VPS13B: variants seen among roughly 807,000 people sequenced by gnomAD.
VPS13B encodes the protein intermembrane lipid transfer protein VPS13B.
Under a neutral mutation model 426.4 loss-of-function variants are expected in VPS13B, and 285 were observed. The ratio of observed to expected loss-of-function variants is 0.67; its 90% CI spans 0.61 to 0.74. The LOEUF is 0.74. Ranked by LOEUF, VPS13B falls within the 30% of genes least tolerant of loss-of-function variation. The pLI, the probability that VPS13B is intolerant of heterozygous loss-of-function variation, is 0.00. For synonymous variants in VPS13B, 1,676 were observed against 1,676.4 expected (o/e 1.00, Z 0.01); for missense variants, 4,537 against 4,782.6 (o/e 0.95, Z 1.51).
intron 35 of VPS13B, among the ~76,000 whole-genome samples, chr8:99,673,387 T>G (rs1047203278): frequency 5.3e-5 from 8 of 152,064 alleles, no homozygotes; most frequent in African/African-American, 1.9e-4. Flanking sequence ...ATTTATCCAT[T>G]AGGTTATTCA....
intron 43 of VPS13B, among the ~76,000 whole-genome samples, chr8:99,789,383 T>A (rs1043756116): frequency 6.6e-6 from 1 of 152,162 alleles, no homozygotes; most frequent in Non-Finnish European, 1.5e-5. Flanking sequence ...AGCTGATAAA[T>A]TTTTCAAGTG....
intron 23 of VPS13B, among the ~76,000 whole-genome samples, chr8:99,447,791 G>T (rs1228240195): frequency 6.6e-6 from 1 of 151,788 alleles, no homozygotes; most frequent in Non-Finnish European, 1.5e-5. Context: ...TTAGGAGAGG[G>T]ATCATTCAAC....
chr8:99,865,373 C>T (rs1468474475), intron 58 of VPS13B, among the ~76,000 whole-genome samples: 1 of 152,242 alleles, frequency 6.6e-6, no homozygotes, highest in African/African-American at 2.4e-5. Flanking sequence ...CTGACCCCCA[C>T]TTCTTTTGGG....
At chr8:99,781,934 A>T (rs1352350804) in intron 42 of VPS13B, among the ~76,000 whole-genome samples, 1 of 152,180 alleles carries the variant, frequency 6.6e-6, no homozygotes, top group Non-Finnish European at 1.5e-5. Flanking sequence ...TGTTGATTAT[A>T]TAATGCTCAA....
At chr8:99,357,923 A>G (rs535005089) in intron 19 of VPS13B, among the ~76,000 whole-genome samples, 1 of 152,068 alleles carries the variant, frequency 6.6e-6, no homozygotes, top group Non-Finnish European at 1.5e-5. Flanking sequence ...TTATGTGACC[A>G]TGGGCAACTT....
At chr8:99,257,141 G>T (rs1253000982) in intron 17 of VPS13B, among the ~76,000 whole-genome samples, 1 of 152,118 alleles carries the variant, frequency 6.6e-6, no homozygotes, top group Non-Finnish European at 1.5e-5. Context: ...CTTAAGCTAG[G>T]ATGAAAATCT....
chr8:99,539,454 A>G (rs1823441159), intron 30 of VPS13B, among the ~76,000 whole-genome samples: 1 of 152,222 alleles, frequency 6.6e-6, no homozygotes. Flanking sequence ...ATTGATACAT[A>G]ATAAAAATTA....
intron 15 of VPS13B, among the ~76,000 whole-genome samples, chr8:99,165,303 G>A (rs969173052): frequency 1.3e-5 from 2 of 152,000 alleles, no homozygotes; most frequent in African/African-American, 4.8e-5. Context: ...TTGAAATTTT[G>A]TATGCTTTGC....
intron 2 of VPS13B, among the ~76,000 whole-genome samples, chr8:99,033,062 T>C (rs1372497091): frequency 2.0e-5 from 3 of 152,190 alleles, no homozygotes; most frequent in Non-Finnish European, 4.4e-5. Flanking sequence ...AATTTCCTTT[T>C]AAACCAGAAG....
intron 5 of VPS13B, among the ~76,000 whole-genome samples, chr8:99,109,388 C>T (rs6468666): frequency 0.82 from 122,042 of 148,534 alleles, 50,415 homozygotes; most frequent in South Asian, 0.89. Flanking sequence ...TTCTTTCTTT[C>T]TTTTTTTTTT....
At chr8:99,568,973 G>A (rs1371965205) in intron 31 of VPS13B, among the ~76,000 whole-genome samples, 2 of 151,700 alleles carry the variant, frequency 1.3e-5, no homozygotes, top group East Asian at 1.9e-4. Flanking sequence ...CACCACGCCC[G>A]GCTAATTTTT....
intron 34 of VPS13B, among the ~76,000 whole-genome samples, chr8:99,647,800 G>A (rs1223948847): frequency 6.6e-6 from 1 of 152,086 alleles, no homozygotes; most frequent in African/African-American, 2.4e-5. Flanking sequence ...CTTAAAAATT[G>A]TCACTCGATC....
rs909816589 is a variant in VPS13B, at chr8:99,606,510, A to AT, written c.5220+28877_5220+28878insT. ...CAAGACTCAGTTTCAAAAAAAAAAA[A>AT]AAAAGAAAAAAGAAAAAGAAAAAGA... is the stretch of plus-strand genomic sequence containing the variant. On this transcript the variant is annotated intron_variant, in intron 33 of 61. Coordinates refer to ENST00000357162, the MANE Select transcript of VPS13B (RefSeq NM_152564.5). Among the ~76,000 whole-genome samples the AT allele has an allele frequency of 5.3e-3, 800 of 151,180 alleles. 9 individuals carry two copies. The highest frequency in any genetic ancestry group is 0.019 in the African/African-American group (769 of 41,258).
chr8:99,643,912 C>G lies in VPS13B; in HGVS notation c.5908+1414C>G, dbSNP rs115244032. 3.3e-3 allele frequency among the ~76,000 whole-genome samples: 507 copies of G among 152,292 alleles called. 2 individuals carry two copies. Among genetic ancestry groups the G allele is most frequent in the African/African-American group, 0.011 (451 of 41,560 alleles). ...GTATAGTGGAACATGTTATGTGATT[C>G]AAGAACTCATGCCTATATACCTGAT... On this transcript the variant is annotated intron_variant, in intron 34 of 61. Coordinates refer to ENST00000357162, the MANE Select transcript of VPS13B (RefSeq NM_152564.5).
rs189837539 is a variant in VPS13B, at chr8:99,375,996, C to T, written c.2825-8212C>T. 3.0e-4 allele frequency among the ~76,000 whole-genome samples: 46 copies of T among 152,218 alleles called. 1 individual carries two copies. Among genetic ancestry groups the T allele is most frequent in the Admixed American group, 2.9e-3 (44 of 15,278 alleles). On this transcript the variant is annotated intron_variant, in intron 19 of 61. Transcript: ENST00000357162. ...GTTTAATTTTAATACTGTGCATCTTCGGTCTCTAACTCTTATTTCGGCTCT... is the reference window on the plus strand; with the variant it reads ...GTTTAATTTTAATACTGTGCATCTTTGGTCTCTAACTCTTATTTCGGCTCT...
At chr8:99,164,664 C>T (rs1269476076) in intron 15 of VPS13B, among the ~76,000 whole-genome samples, 1 of 152,192 alleles carries the variant, frequency 6.6e-6, no homozygotes, top group Non-Finnish European at 1.5e-5. Context: ...ATAGGATACA[C>T]TGTTTTTTCT....
At chr8:99,340,606 A>C in intron 19 of VPS13B, 1 of 442,206 alleles carries the variant, frequency 2.3e-6, no homozygotes, top group Non-Finnish European at 4.4e-6. Flanking sequence ...CATTTATTTA[A>C]TTAGTTCTTT....
intron 50 of VPS13B, among the ~76,000 whole-genome samples, chr8:99,823,622 T>C (rs1337686768): frequency 6.6e-6 from 1 of 152,208 alleles, no homozygotes; most frequent in Non-Finnish European, 1.5e-5. Context: ...ACAGGGCTGC[T>C]AAAGCACCAT....
At chr8:99,261,934 A>C (rs913585116) in intron 17 of VPS13B, among the ~76,000 whole-genome samples, 2 of 152,182 alleles carry the variant, frequency 1.3e-5, no homozygotes, top group African/African-American at 4.8e-5. Context: ...TTTAAAAATC[A>C]TTCTGTCACT....
Sources: gnomAD v4.1 joint callset for allele counts (sites outside exome capture counted in the v4.1 genomes callset) on GRCh38, gnomAD v4.1.1 for gene constraint, MANE v1.5 for transcripts, NCBI Gene and HGNC (gene_info 2026-07-23, HGNC 2026-07-21) for gene names.